Variants in RABGAP1L observed in about 807,000 individuals in gnomAD.
RABGAP1L encodes the protein rab GTPase-activating protein 1-like.
A neutral mutation model predicts 137.7 loss-of-function variants in RABGAP1L; 63 were observed. That is an observed-to-expected ratio of 0.46 (90% CI 0.37 to 0.56). RABGAP1L has a LOEUF of 0.56. Ranked by LOEUF, RABGAP1L falls within the 20% of genes least tolerant of loss-of-function variation. The pLI is 0.00. For missense variants in RABGAP1L, 1,095 were observed against 1,244.0 expected (o/e 0.88, Z 1.80); for synonymous variants, 431 against 433.7 (o/e 0.99, Z 0.08).
At chr1:174,336,831 C>T (rs1164100992) in intron 11 of RABGAP1L, among the ~76,000 whole-genome samples, 1 of 149,634 alleles carries the variant, frequency 6.7e-6, no homozygotes, top group East Asian at 2.0e-4. Flanking sequence ...GTTTCTTTAC[C>T]AGATAATTTC....
At chr1:174,199,019 A>G (rs2148380384) in intron 1 of RABGAP1L, among the ~76,000 whole-genome samples, 1 of 152,322 alleles carries the variant, frequency 6.6e-6, no homozygotes, top group East Asian at 1.9e-4. Flanking sequence ...GAGGCAGTAG[A>G]GTCGCTTGAA....
intron 4 of RABGAP1L, among the ~76,000 whole-genome samples, chr1:174,234,873 A>G (rs1219321197): frequency 7.0e-6 from 1 of 142,338 alleles, no homozygotes; most frequent in Non-Finnish European, 1.5e-5. Flanking sequence ...GGCCATTTTC[A>G]TGATATTGAT....
At chr1:174,384,608 A>G (rs1022051737) in intron 12 of RABGAP1L, among the ~76,000 whole-genome samples, 16 of 152,018 alleles carry the variant, frequency 1.1e-4, no homozygotes, top group African/African-American at 3.9e-4. Flanking sequence ...CAGTGCCTTC[A>G]TTATACCTTG....
At chr1:174,727,190 C>T (rs955225427) in intron 17 of RABGAP1L, among the ~76,000 whole-genome samples, 4 of 152,168 alleles carry the variant, frequency 2.6e-5, no homozygotes, top group African/African-American at 7.2e-5. Flanking sequence ...TAGCACAATC[C>T]TTTCCTTTCG....
At chr1:174,566,192 G>A (rs1667570574) in intron 13 of RABGAP1L, among the ~76,000 whole-genome samples, 1 of 152,122 alleles carries the variant, frequency 6.6e-6, no homozygotes, top group South Asian at 2.1e-4. Flanking sequence ...GTTAAGCAGA[G>A]AGCAAGAGAA....
intron 14 of RABGAP1L, among the ~76,000 whole-genome samples, chr1:174,672,476 T>C (rs1459183638): frequency 6.6e-6 from 1 of 151,846 alleles, no homozygotes; most frequent in Non-Finnish European, 1.5e-5. Context: ...ATTTTTGGTC[T>C]GATCTTTATT....
intron 19 of RABGAP1L, among the ~76,000 whole-genome samples, chr1:174,830,587 C>G (rs189482530): frequency 6.8e-6 from 1 of 147,236 alleles, no homozygotes; most frequent in Non-Finnish European, 1.5e-5. Flanking sequence ...AGCGATTCTC[C>G]TTCCTTAGCC....
chr1:174,625,371 T>C (rs1170164243), intron 13 of RABGAP1L, among the ~76,000 whole-genome samples: 3 of 152,198 alleles, frequency 2.0e-5, no homozygotes, highest in Non-Finnish European at 4.4e-5. Flanking sequence ...TGAATGAGTT[T>C]GTACTATTCA....
intron 17 of RABGAP1L, among the ~76,000 whole-genome samples, chr1:174,721,785 A>G (rs1681559428): frequency 6.6e-6 from 1 of 152,236 alleles, no homozygotes; most frequent in Non-Finnish European, 1.5e-5. Flanking sequence ...TAAATGGTAT[A>G]TGATCATCAG....
chr1:174,338,703 C>T (rs1681704958), intron 11 of RABGAP1L, among the ~76,000 whole-genome samples: 1 of 151,704 alleles, frequency 6.6e-6, no homozygotes, highest in Admixed American at 6.6e-5. Context: ...TATAAATATA[C>T]TCTCATTTTT....
At chr1:174,462,311 A>G (rs1395670429) in intron 13 of RABGAP1L, among the ~76,000 whole-genome samples, 1 of 152,152 alleles carries the variant, frequency 6.6e-6, no homozygotes, top group African/African-American at 2.4e-5. Flanking sequence ...TTAATATATC[A>G]AGTTTGTTTT....
intron 11 of RABGAP1L, among the ~76,000 whole-genome samples, chr1:174,342,785 CTGGAGTGCAGTAGTG>C (rs2148896187): frequency 6.6e-6 from 1 of 150,526 alleles, no homozygotes; most frequent in African/African-American, 2.4e-5. Flanking sequence ...GTTGCCCAGG[CTGGAGTGCAGTAGTG>C]CCCTCTCGGC....
In RABGAP1L at chr1:174,588,366, T is replaced by A. The variant is rs1435792150; in HGVS notation, c.1711-49009T>A. Among the ~76,000 whole-genome samples, 4 of 152,196 alleles carry A rather than the reference T, an allele frequency of 2.6e-5. No homozygotes were observed. In the East Asian group the frequency reaches 7.7e-4, roughly 29 times the overall value. On this transcript the variant is annotated intron_variant, in intron 13 of 25. Transcript: ENST00000681986. ...TTTAGTAGAGATGGGGGTTTCATCA[T>A]GTTGGCCAGGCTAGTCTCGAACTCC...
intron 1 of RABGAP1L, among the ~76,000 whole-genome samples, chr1:174,175,811 A>C (rs569174517): frequency 1.3e-5 from 2 of 151,898 alleles, no homozygotes; most frequent in South Asian, 4.2e-4. Flanking sequence ...TTTTTGTAGA[A>C]ATGGAGTTTC....
chr1:174,531,835 G>C (rs966223822), intron 13 of RABGAP1L, among the ~76,000 whole-genome samples: 32 of 151,918 alleles, frequency 2.1e-4, no homozygotes, highest in Admixed American at 5.9e-4. Flanking sequence ...ACTTCCAAAT[G>C]AGAAAAATAT....
chr1:174,187,716 G>A lies in RABGAP1L; in HGVS notation c.-34+28059G>A, dbSNP rs1045606829. Among the ~76,000 whole-genome samples the A allele has an allele frequency of 7.2e-5, 11 of 152,026 alleles. No individual in the cohort carries two copies. In the South Asian group the frequency reaches 1.5e-3, roughly 20 times the overall value. On this transcript the variant is annotated intron_variant, in intron 1 of 25. Transcript: ENST00000681986. ...TTTTAAAAATAGTCATTTATTTTTC[G>A]TTCACTATCTTAAGAATTCTGATCA...
chr1:174,712,679 A>G (rs999270658), intron 17 of RABGAP1L, among the ~76,000 whole-genome samples: 4 of 152,216 alleles, frequency 2.6e-5, no homozygotes, highest in African/African-American at 7.2e-5. Context: ...AGCAGTAGCT[A>G]CTTTCTCTAA....
intron 19 of RABGAP1L, among the ~76,000 whole-genome samples, chr1:174,953,858 A>C (rs1416758139): frequency 6.6e-6 from 1 of 152,234 alleles, no homozygotes; most frequent in Non-Finnish European, 1.5e-5. Flanking sequence ...GAATAGCTGA[A>C]GGCAGCTGTT....
At chr1:174,201,050 C>T (rs528403151) in intron 1 of RABGAP1L, among the ~76,000 whole-genome samples, 5 of 152,162 alleles carry the variant, frequency 3.3e-5, no homozygotes, top group Admixed American at 6.5e-5. Flanking sequence ...TCACTTTGGT[C>T]GTTAATTTTT....
Sources: gnomAD v4.1 joint callset for allele counts (sites outside exome capture counted in the v4.1 genomes callset) on GRCh38, gnomAD v4.1.1 for gene constraint, MANE v1.5 for transcripts, NCBI Gene and HGNC (gene_info 2026-07-23, HGNC 2026-07-21) for gene names.